Variants in AGBL1 observed in about 807,000 individuals in gnomAD.
The protein encoded by AGBL1 is AGBL carboxypeptidase 1, also known as cytosolic carboxypeptidase 4.
A neutral mutation model predicts 118.9 loss-of-function variants in AGBL1; 130 were observed. That is an observed-to-expected ratio of 1.09 (90% CI 0.95 to 1.26). The LOEUF (loss-of-function observed/expected upper bound fraction) is 1.26, where lower values mean the gene tolerates loss of function less well. AGBL1 is among the 50% of genes most tolerant of loss of function. The pLI is 0.00. For synonymous variants in AGBL1, 555 were observed against 478.9 expected, an observed-to-expected ratio of 1.16 and a Z score of -2.08; for missense variants, 1,584 against 1,298.1, an observed-to-expected ratio of 1.22 and a Z score of -3.38.
chr15:86,453,503 A>G (rs2082222325), intron 18 of AGBL1, among the ~76,000 whole-genome samples: 1 of 152,204 alleles, frequency 6.6e-6, no homozygotes, highest in African/African-American at 2.4e-5. Flanking sequence ...ACCCCTTTTC[A>G]TAATATTTTG....
chr15:86,501,917 C>T (rs781599235), intron 18 of AGBL1, among the ~76,000 whole-genome samples: 1 of 151,390 alleles, frequency 6.6e-6, no homozygotes, highest in African/African-American at 2.4e-5. Flanking sequence ...TTTGTGTATT[C>T]CTTGTTCTTT....
chr15:86,723,635 C>T (rs866213920), intron 22 of AGBL1, among the ~76,000 whole-genome samples: 1 of 151,798 alleles, frequency 6.6e-6, no homozygotes, highest in Non-Finnish European at 1.5e-5. Context: ...TGCACATGTA[C>T]CCTAAAACTT....
chr15:86,706,579 T>C (rs950173955), intron 22 of AGBL1, among the ~76,000 whole-genome samples: 1 of 152,124 alleles, frequency 6.6e-6, no homozygotes, highest in Non-Finnish European at 1.5e-5. Context: ...ATGCTAGTAA[T>C]CACAATTCCC....
intron 22 of AGBL1, among the ~76,000 whole-genome samples, chr15:86,883,296 G>A (rs1313055646): frequency 6.6e-6 from 1 of 151,974 alleles, no homozygotes. Flanking sequence ...TTCTTTCCTT[G>A]GCTAACCAGC....
intron 23 of AGBL1, among the ~76,000 whole-genome samples, chr15:86,925,084 A>G (rs2080517325): frequency 1.3e-5 from 2 of 148,524 alleles, no homozygotes; most frequent in East Asian, 2.0e-4. Flanking sequence ...CCTGTGTGAC[A>G]GAGTGAGACT....
intron 24 of AGBL1, among the ~76,000 whole-genome samples, chr15:87,006,872 A>G (rs367641217): frequency 6.6e-6 from 1 of 152,146 alleles, no homozygotes; most frequent in Non-Finnish European, 1.5e-5. Context: ...GAATGGAATG[A>G]GAGAAAAGTA....
intron 23 of AGBL1, chr15:86,939,888 T>C (rs2080727092): frequency 6.6e-6 from 1 of 151,404 alleles, no homozygotes; most frequent in African/African-American, 2.4e-5. Flanking sequence ...TTTTTTATTT[T>C]ATATATATAT....
At chr15:86,879,117 T>C (rs2079854977) in intron 22 of AGBL1, among the ~76,000 whole-genome samples, 4 of 152,242 alleles carry the variant, frequency 2.6e-5, no homozygotes, top group Non-Finnish European at 4.4e-5. Context: ...CCCAAGAGGA[T>C]GTCTGGCAGG....
At chr15:86,891,553 G>C (rs942111130) in intron 22 of AGBL1, among the ~76,000 whole-genome samples, 1 of 150,606 alleles carries the variant, frequency 6.6e-6, no homozygotes, top group East Asian at 2.0e-4. Flanking sequence ...GAATGTGTCT[G>C]ACACCATTCA....
At chr15:86,417,599 A>G (rs939061915) in intron 18 of AGBL1, among the ~76,000 whole-genome samples, 1 of 152,206 alleles carries the variant, frequency 6.6e-6, no homozygotes, top group Non-Finnish European at 1.5e-5. Flanking sequence ...GCTGTTAGCC[A>G]TACAGATGCC....
At chr15:86,875,528 A>T (rs930813201) in intron 22 of AGBL1, among the ~76,000 whole-genome samples, 1 of 152,208 alleles carries the variant, frequency 6.6e-6, no homozygotes, top group Non-Finnish European at 1.5e-5. Flanking sequence ...CTGTTCAAGT[A>T]GGTCTGTTTT....
rs1055298656 is a variant in AGBL1, at chr15:86,315,514, G to T, written c.2374+20106G>T. Among the ~76,000 whole-genome samples the T allele has an allele frequency of 2.0e-5, 3 of 152,018 alleles. No individual in the cohort carries two copies. The South Asian group carries it at 6.2e-4, about 32-fold the overall frequency. ...GCGGATCACGAGGTTAGGAGTTGGA[G>T]ACCAGCCTGACCAACATGGTGAAAC... On this transcript the variant is annotated intron_variant, in intron 17 of 22. Transcript: ENST00000614907.
intron 5 of AGBL1, among the ~76,000 whole-genome samples, chr15:86,202,902 C>A (rs1422223600): frequency 1.3e-5 from 2 of 152,050 alleles, no homozygotes; most frequent in Non-Finnish European, 2.9e-5. Context: ...GAGGCTGAGG[C>A]AATTGCACAA....
At chr15:86,381,411 C>T (rs1175302415) in intron 17 of AGBL1, among the ~76,000 whole-genome samples, 1 of 151,292 alleles carries the variant, frequency 6.6e-6, no homozygotes, top group Non-Finnish European at 1.5e-5. Context: ...AGCTGATACA[C>T]TTTTTTTTTC....
intron 17 of AGBL1, among the ~76,000 whole-genome samples, chr15:86,337,213 C>T (rs2080384805): frequency 6.6e-6 from 1 of 152,180 alleles, no homozygotes; most frequent in Non-Finnish European, 1.5e-5. Context: ...ATTTGATTCT[C>T]ATGTGTTATT....
intron 22 of AGBL1, among the ~76,000 whole-genome samples, chr15:86,828,292 C>T (rs2079059667): frequency 6.6e-6 from 1 of 151,882 alleles, no homozygotes; most frequent in South Asian, 2.1e-4. Flanking sequence ...TTCTGGCAGG[C>T]TGAATAATAA....
chr15:86,997,961 A>G (rs1211775123), intron 24 of AGBL1, among the ~76,000 whole-genome samples: 4 of 151,426 alleles, frequency 2.6e-5, no homozygotes, highest in Admixed American at 6.6e-5. Flanking sequence ...TATTTTATAT[A>G]TTTACTTTCT....
At chr15:86,930,859 T>G (rs1443613756) in intron 23 of AGBL1, among the ~76,000 whole-genome samples, 1 of 152,096 alleles carries the variant, frequency 6.6e-6, no homozygotes, top group African/African-American at 2.4e-5. Context: ...AAAAAGGTAA[T>G]AGTGGCTTAA....
At chr15:86,273,804 A>G (rs1199011060) in intron 15 of AGBL1, among the ~76,000 whole-genome samples, 1 of 152,142 alleles carries the variant, frequency 6.6e-6, no homozygotes, top group Non-Finnish European at 1.5e-5. Flanking sequence ...CACTGTGGGG[A>G]CAACTGTGAG....
Sources: gnomAD v4.1 joint callset for allele counts (sites outside exome capture counted in the v4.1 genomes callset) on GRCh38, gnomAD v4.1.1 for gene constraint, MANE v1.5 for transcripts, NCBI Gene and HGNC (gene_info 2026-07-23, HGNC 2026-07-21) for gene names.